The following ACTA2 variants were observed in gnomAD, a reference collection of about 807,000 sequenced individuals.
ACTA2 encodes actin alpha 2, smooth muscle.
In ACTA2, 12 loss-of-function variants were observed where a neutral mutation model predicts 39.5. The observed-to-expected ratio is 0.30, with a 90% CI of 0.19 to 0.49. The LOEUF is 0.49. Among genes scored for constraint, ACTA2 ranks in the 20% least tolerant of loss-of-function variants. ACTA2 has a pLI of 0.99. For missense variants in ACTA2, 236 were observed against 498.8 expected, an observed-to-expected ratio of 0.47 and a Z score of 5.02; for synonymous variants, 158 against 180.6, an observed-to-expected ratio of 0.88 and a Z score of 1.00.
chr10:88,959,386 A>C (rs1233426238), intron 1 of ACTA2, among the ~76,000 whole-genome samples: 1 of 152,200 alleles, frequency 6.6e-6, no homozygotes, highest in Non-Finnish European at 1.5e-5. Flanking sequence ...AACCTTCAGA[A>C]TAGACCAGGG....
intron 1 of ACTA2, among the ~76,000 whole-genome samples, chr10:88,987,535 C>G (rs908347543): frequency 6.6e-6 from 1 of 152,208 alleles, no homozygotes; most frequent in Non-Finnish European, 1.5e-5. Context: ...GGGCCACAAG[C>G]TCCCTTCACA....
At chr10:88,959,125 A>T (rs992983576) in intron 1 of ACTA2, among the ~76,000 whole-genome samples, 4 of 152,234 alleles carry the variant, frequency 2.6e-5, no homozygotes, top group African/African-American at 9.6e-5. Context: ...GCCACATGTG[A>T]CTATTGATCA....
chr10:88,939,634 A>G lies in ACTA2; in HGVS notation c.681T>C (p.Asn227=). The G allele has an allele frequency of 1.2e-6, 2 of 1,613,828 alleles. No individual in the cohort carries two copies. Among genetic ancestry groups the G allele is most frequent in the Non-Finnish European group, 1.7e-6 (2 of 1,179,778 alleles). ...ATGAGGATGCGGCAGTGGCCATCTCATTTTCAAAGTCCAGAGCTACATAAC... is the reference window on the plus strand; with the variant it reads ...ATGAGGATGCGGCAGTGGCCATCTCGTTTTCAAAGTCCAGAGCTACATAAC... ...KLCYVALDFE[N]EMATAASSSS... The change falls in exon 7 of 9, where the codon AAT becomes AAC. Residue 227 remains asparagine (N), a synonymous_variant. Transcript: ENST00000224784.
intron 1 of ACTA2, among the ~76,000 whole-genome samples, chr10:88,970,690 A>G (rs1019931967): frequency 2.0e-5 from 3 of 152,128 alleles, no homozygotes; most frequent in African/African-American, 7.2e-5. Context: ...GGACACAGGA[A>G]GAGGAACATC....
intron 1 of ACTA2, chr10:88,973,251 G>A: frequency 6.2e-7 from 1 of 1,612,542 alleles, no homozygotes; most frequent in Non-Finnish European, 8.5e-7. Context: ...AATTGGCTAT[G>A]GACCAAATGG....
chr10:88,938,898 A>T (rs954277182), intron 7 of ACTA2, among the ~76,000 whole-genome samples: 8 of 152,166 alleles, frequency 5.3e-5, no homozygotes, highest in African/African-American at 1.7e-4. Context: ...TAATTATTGA[A>T]TGCTTGCTTT....
chr10:88,939,725 C>G lies in ACTA2; in HGVS notation c.617-27G>C. ...TGTCAACCAGATACAAACATTGTGG[C>G]AAACATTAGGGTCTGCACAGGTGGC... On this transcript the variant is annotated intron_variant, in intron 6 of 8. Coordinates refer to ENST00000224784, the MANE Select transcript of ACTA2 (RefSeq NM_001613.4). 1.9e-6 allele frequency: 3 copies of G among 1,613,200 alleles called. No individual in the cohort carries two copies. In the East Asian group the frequency reaches 6.7e-5, roughly 36 times the overall value.
chr10:88,973,406 A>T, intron 1 of ACTA2: 1 of 1,323,804 alleles, frequency 7.6e-7, no homozygotes, highest in Non-Finnish European at 9.9e-7. Flanking sequence ...TTCCCGATGA[A>T]AACAACTCTT....
rs150461759 is a variant in ACTA2 at position 88,963,878 on chromosome 10, C to A, written c.-23-14925G>T. Among the ~76,000 whole-genome samples, 293 of 152,210 alleles carry A rather than the reference C, an allele frequency of 1.9e-3. 2 individuals carry two copies. Among genetic ancestry groups the A allele is most frequent in the African/African-American group, 6.6e-3 (273 of 41,524 alleles). The stretch of plus-strand genomic sequence containing the variant: ...TTTCTTAAACTTGTCTTTTTTTCTG[C>A]ATGTCCACACTTTATTACAATGCTA... On this transcript the variant is annotated intron_variant, in intron 1 of 4. Transcript: ENST00000415557.
intron 1 of ACTA2, among the ~76,000 whole-genome samples, chr10:88,958,283 C>A (rs1846170260): frequency 1.3e-5 from 2 of 152,146 alleles, no homozygotes; most frequent in African/African-American, 4.8e-5. Context: ...AAATGCTTAG[C>A]AAATGGTCAA....
intron 1 of ACTA2, among the ~76,000 whole-genome samples, chr10:88,969,947 G>A (rs12219833): frequency 4.2e-4 from 64 of 152,088 alleles, no homozygotes; most frequent in Non-Finnish European, 7.8e-4. Flanking sequence ...ATGAATGAAC[G>A]AATGAATGAA....
intron 1 of ACTA2, among the ~76,000 whole-genome samples, chr10:88,972,466 A>C (rs1846469383): frequency 6.6e-6 from 1 of 152,108 alleles, no homozygotes; most frequent in African/African-American, 2.4e-5. Context: ...AGTTCGATTT[A>C]GATTTACTGT....
intron 1 of ACTA2, among the ~76,000 whole-genome samples, chr10:88,966,972 C>T (rs374159461): frequency 2.0e-5 from 3 of 152,312 alleles, no homozygotes; most frequent in South Asian, 2.1e-4. Context: ...AAGAGCAACA[C>T]GGCTCAAACA....
At chr10:88,939,983 G>A in intron 6 of ACTA2, 1 of 465,688 alleles carries the variant, frequency 2.1e-6, no homozygotes, top group Non-Finnish European at 4.0e-6. Context: ...GCACACAGTA[G>A]CGGATCCTTT....
At chr10:88,991,049 C>CA (rs1420943196) in exon 1 of ACTA2, 1 of 1,106,614 alleles carries the variant, frequency 9.0e-7, no homozygotes, top group African/African-American at 1.5e-5. Flanking sequence ...CTGCGGGAGG[C>CA]GTTGGAGACT....
rs76583506 is a variant in ACTA2 at position 88,943,086 on chromosome 10, C to G, written c.369+711G>C. Among the ~76,000 whole-genome samples the G allele has an allele frequency of 3.3e-3, 508 of 152,226 alleles. 2 individuals are homozygous for G. The highest frequency in any genetic ancestry group is 6.5e-3 in the Non-Finnish European group (440 of 68,014). ...TTCACATTGCTAGAACTTAAAGAGA[C>G]AATGAATGTAAAATGCTGAGCCCAG... On this transcript the variant is annotated intron_variant, in intron 4 of 8. Coordinates refer to ENST00000224784, the MANE Select transcript of ACTA2 (RefSeq NM_001613.4).
intron 1 of ACTA2, among the ~76,000 whole-genome samples, chr10:88,949,271 C>T (rs547648901): frequency 3.3e-5 from 5 of 152,144 alleles, no homozygotes; most frequent in Non-Finnish European, 5.9e-5. Context: ...CTGCAGAGCA[C>T]AGATGGGAAA....
chr10:88,947,386 C>G lies in ACTA2; in HGVS notation c.130G>C (p.Gly44Arg). The change falls in exon 3 of 9, where the codon GGG becomes CGG. Residue 44 changes from glycine to arginine, a missense_variant and splice_region_variant. Transcript: ENST00000224784. ...PSIVGRPRHQ[G>R]VMVGMGQKDS... is the part of the protein sequence containing the mutation. ...TTTTGTCCCATTCCCACCATCACCC[C>G]CTAAAAAGGTTCAACACATTATGAG... The G allele has an allele frequency of 6.2e-7, 1 of 1,613,890 alleles. No homozygotes were observed. Among genetic ancestry groups the G allele is most frequent in the Non-Finnish European group, 8.5e-7 (1 of 1,179,872 alleles).
rs1845711244 is a variant in ACTA2 at position 88,935,255 on chromosome 10, C to T, written c.1102G>A (p.Gly368Arg). 6.2e-7 allele frequency: 1 copy of T among 1,613,730 alleles called. No homozygotes were observed. Among genetic ancestry groups the T allele is most frequent in the Non-Finnish European group, 8.5e-7 (1 of 1,179,862 alleles). Residue 368 changes from glycine to arginine, a missense_variant, in exon 9 of 9, where the codon GGG (glycine) becomes AGG (arginine). Physicochemically the swap from Gly to Arg is moderately radical, Grantham distance 125. Transcript: ENST00000224784. ...WISKQEYDEA[G>R]PSIVHRKCF ...CATTTGCGGTGGACAATGGAAGGCC[C>T]GGCTTCATCGTATTCCTGTTTGCTG...
Sources: allele counts gnomAD v4.1 joint callset (sites outside exome capture counted in the v4.1 genomes callset), GRCh38; gene constraint gnomAD v4.1.1; transcripts MANE v1.5; gene names NCBI Gene and HGNC (gene_info 2026-07-23, HGNC 2026-07-21).